RELCH: variants seen among roughly 807,000 people sequenced by gnomAD.
The protein encoded by RELCH is RAB11 binding and LisH domain, coiled-coil and HEAT repeat containing.
RELCH carries 41 observed loss-of-function variants against 150.3 expected under a neutral mutation model. That is an observed-to-expected ratio of 0.27 (90% CI 0.21 to 0.35). RELCH has a LOEUF of 0.35. RELCH is among the 10% of genes least tolerant of loss of function. The pLI is 1.00. For missense variants in RELCH, 1,092 were observed against 1,467.8 expected, an observed-to-expected ratio of 0.74 and a Z score of 4.18; for synonymous variants, 478 against 531.8, an observed-to-expected ratio of 0.90 and a Z score of 1.39.
intron 10 of RELCH, among the ~76,000 whole-genome samples, chr18:62,234,728 T>G (rs554454021): frequency 6.6e-6 from 1 of 152,140 alleles, no homozygotes; most frequent in South Asian, 2.1e-4. Flanking sequence ...TCAGTTTTGC[T>G]AGCTTCTAGA....
rs780704138 is a variant in RELCH at position 62,255,359 on chromosome 18, G to A, written c.1825-48G>A. The A allele has an allele frequency of 7.6e-6, 9 of 1,185,442 alleles. No individual in the cohort carries two copies. In the Admixed American group the frequency reaches 1.5e-4, roughly 20 times the overall value. 73.4% of individuals were successfully genotyped at this position (1,185,442 alleles called of 1,614,324 possible). A position where few individuals can be genotyped will look rare whatever the true frequency, so the allele number is the denominator to read the frequency against. ...GAAATGTAATTCTCTTTTGAAGGAAGGGAGGGTATGCTGTTTATGCTTGAT... is the reference window on the plus strand; with the variant it reads ...GAAATGTAATTCTCTTTTGAAGGAAAGGAGGGTATGCTGTTTATGCTTGAT... On this transcript the variant is annotated intron_variant, in intron 12 of 28. Coordinates refer to ENST00000644646, the MANE Select transcript of RELCH (RefSeq NM_001346231.2).
chr18:62,268,308 T>C (rs2043698419), intron 19 of RELCH, among the ~76,000 whole-genome samples: 1 of 152,076 alleles, frequency 6.6e-6, no homozygotes, highest in African/African-American at 2.4e-5. Flanking sequence ...CACAGAACTA[T>C]GGTTGCATAC....
intron 22 of RELCH, among the ~76,000 whole-genome samples, chr18:62,278,613 C>G (rs1003401917): frequency 6.6e-6 from 1 of 152,016 alleles, no homozygotes; most frequent in Non-Finnish European, 1.5e-5. Flanking sequence ...TCTGTGAGGA[C>G]TAAGTACTAG....
chr18:62,236,958 C>T (rs2093119479), intron 10 of RELCH, among the ~76,000 whole-genome samples: 1 of 151,544 alleles, frequency 6.6e-6, no homozygotes, highest in African/African-American at 2.4e-5. Context: ...CTGAGTACTG[C>T]TTTTGCTGTA....
At chr18:62,223,282 A>G (rs557786503) in intron 5 of RELCH, among the ~76,000 whole-genome samples, 1 of 152,190 alleles carries the variant, frequency 6.6e-6, no homozygotes, top group South Asian at 2.1e-4. Context: ...CAAAATCAAC[A>G]ATGAGCAAGG....
At position 62,307,380 on chromosome 18, in the gene RELCH, T is replaced by C. The variant is rs187057807; in HGVS notation, c.*1846T>C. On this transcript the variant is annotated 3_prime_UTR_variant, in exon 29 of 29. Coordinates refer to ENST00000644646, the MANE Select transcript of RELCH (RefSeq NM_001346231.2). ...TATAGTAGAATATGTGTATGTTTGT[T>C]ATCAGGTGAATGGGTAGAATGTATT... 5 of 152,272 alleles carry C rather than the reference T, an allele frequency of 3.3e-5. No homozygotes were observed. In the East Asian group the frequency reaches 9.6e-4, roughly 29 times the overall value. The allele number at this position is 152,272 out of a possible 1,614,324, so 9.4% of individuals were successfully genotyped here.
intron 1 of RELCH, among the ~76,000 whole-genome samples, chr18:62,201,079 T>A (rs1351346290): frequency 2.0e-5 from 3 of 150,320 alleles, no homozygotes; most frequent in Non-Finnish European, 4.4e-5. Flanking sequence ...GTTCCAGTGA[T>A]TCTCCTGCCT....
At chr18:62,218,957 C>T (rs1191835064) in intron 2 of RELCH, among the ~76,000 whole-genome samples, 8 of 151,836 alleles carry the variant, frequency 5.3e-5, no homozygotes, top group African/African-American at 1.9e-4. Flanking sequence ...TGCTATTAAC[C>T]TTTCTTTTGA....
At chr18:62,231,387 T>C (rs2041565005) in intron 9 of RELCH, 118 bp downstream of exon 9, 1 of 608,108 alleles carries the variant, frequency 1.6e-6, no homozygotes, top group Non-Finnish European at 2.8e-6. Context: ...TGCAAATCCA[T>C]TATGTAAAAT....
At chr18:62,218,259 A>T (rs1260819274) in intron 2 of RELCH, among the ~76,000 whole-genome samples, 1 of 151,970 alleles carries the variant, frequency 6.6e-6, no homozygotes, top group African/African-American at 2.4e-5. Flanking sequence ...ATAGCAAAAT[A>T]GATGACTCAG....
intron 20 of RELCH, among the ~76,000 whole-genome samples, chr18:62,273,170 A>G (rs1429046723): frequency 2.0e-5 from 3 of 152,056 alleles, no homozygotes; most frequent in Non-Finnish European, 2.9e-5. Context: ...CTGACAGACT[A>G]TCAGATTCCC....
At chr18:62,297,735 C>T (rs1369864700) in intron 27 of RELCH, among the ~76,000 whole-genome samples, 1 of 152,206 alleles carries the variant, frequency 6.6e-6, no homozygotes, top group Non-Finnish European at 1.5e-5. Flanking sequence ...TCTATCCTGT[C>T]TCCCTTGCTC....
chr18:62,280,195 G>T, intron 23 of RELCH: 1 of 612,698 alleles, frequency 1.6e-6, no homozygotes. Context: ...GTTGTTACCA[G>T]TAAGTGTAGT....
chr18:62,291,376 A>T (rs2045125360), intron 26 of RELCH, among the ~76,000 whole-genome samples, 167 bp from the exon 27 acceptor site: 1 of 152,152 alleles, frequency 6.6e-6, no homozygotes, highest in African/African-American at 2.4e-5. Context: ...TAAATAACTT[A>T]CTCTGCAAAT....
At chr18:62,245,993 A>C (rs1303152435) in intron 11 of RELCH, 1 of 152,188 alleles carries the variant, frequency 6.6e-6, no homozygotes. Context: ...CAAATTGTAC[A>C]TACCTGGTGA....
intron 21 of RELCH, among the ~76,000 whole-genome samples, chr18:62,274,650 T>C (rs1213186740): frequency 1.3e-5 from 2 of 152,246 alleles, no homozygotes; most frequent in East Asian, 3.8e-4. Flanking sequence ...ACATAGGACA[T>C]GTACTGCTTC....
At chr18:62,281,366 G>A (rs1439990459) in intron 24 of RELCH, among the ~76,000 whole-genome samples, 2 of 152,216 alleles carry the variant, frequency 1.3e-5, no homozygotes, top group Non-Finnish European at 2.9e-5. Flanking sequence ...CTTGTATTCT[G>A]ATAACTGTGT....
chr18:62,273,892 T>C, intron 20 of RELCH, 88 bp from the exon 21 acceptor site: 1 of 809,078 alleles, frequency 1.2e-6, no homozygotes, highest in East Asian at 2.6e-5. Flanking sequence ...CCTTATTTGG[T>C]AACATTTTCT....
intron 11 of RELCH, among the ~76,000 whole-genome samples, chr18:62,248,507 T>C (rs1177254213): frequency 1.3e-5 from 2 of 152,210 alleles, no homozygotes; most frequent in Non-Finnish European, 2.9e-5. Context: ...ATTTTCATTC[T>C]TACTATTCCA....
Sources: allele counts gnomAD v4.1 joint callset (sites outside exome capture counted in the v4.1 genomes callset), GRCh38; gene constraint gnomAD v4.1.1; transcripts MANE v1.5; gene names NCBI Gene and HGNC (gene_info 2026-07-23, HGNC 2026-07-21).